Variants in SLC5A4 observed in about 807,000 individuals in gnomAD.
The protein encoded by SLC5A4 is solute carrier family 5 member 4, also known as probable glucose sensor protein SLC5A4.
Under a neutral mutation model 70.3 loss-of-function variants are expected in SLC5A4, and 55 were observed. The ratio of observed to expected loss-of-function variants is 0.78; its 90% CI spans 0.63 to 0.98. The LOEUF (loss-of-function observed/expected upper bound fraction) is 0.98, where lower values mean the gene tolerates loss of function less well. SLC5A4 is among the 50% of genes least tolerant of loss of function. SLC5A4 has a pLI of 0.00. For synonymous variants in SLC5A4, 268 were observed against 305.7 expected (o/e 0.88, Z 1.29); for missense variants, 735 against 839.2 (o/e 0.88, Z 1.53).
chr22:32,304,850 GTT>G, the SLC5A4 span, among the ~76,000 whole-genome samples: 1 of 151,124 alleles, frequency 6.6e-6, no homozygotes, highest in South Asian at 2.1e-4. Flanking sequence ...GAGTTCTACA[GTT>G]TTTTTTTCTT....
At chr22:32,225,359 A>C (rs1925329377) in intron 12 of SLC5A4, among the ~76,000 whole-genome samples, 1 of 152,182 alleles carries the variant, frequency 6.6e-6, no homozygotes, top group South Asian at 2.1e-4. Flanking sequence ...TCACAATACG[A>C]TTAGGTGGTA....
At chr22:32,289,471 C>T in the SLC5A4 span, among the ~76,000 whole-genome samples, 8 of 152,110 alleles carry the variant, frequency 5.3e-5, no homozygotes, top group African/African-American at 1.9e-4. Context: ...AAGGGGCTGC[C>T]GCCATCACGC....
At chr22:32,272,981 G>A in the SLC5A4 span, 16 of 540,462 alleles carry the variant, frequency 3.0e-5, no homozygotes, top group East Asian at 1.6e-4. Flanking sequence ...CAAGCTGCAC[G>A]GGGAGCTGCT....
At chr22:32,332,452 A>G in the SLC5A4 span, among the ~76,000 whole-genome samples, 1 of 152,180 alleles carries the variant, frequency 6.6e-6, no homozygotes, top group African/African-American at 2.4e-5. Flanking sequence ...CGACAGGCTC[A>G]TTCCTTTCCA....
the SLC5A4 span, among the ~76,000 whole-genome samples, chr22:32,323,579 G>A: frequency 1.3e-5 from 2 of 152,202 alleles, no homozygotes; most frequent in African/African-American, 2.4e-5. Context: ...CTGCAGGCAC[G>A]GACGGTGCCA....
chr22:32,325,087 T>C, the SLC5A4 span, among the ~76,000 whole-genome samples: 33 of 152,288 alleles, frequency 2.2e-4, no homozygotes, highest in African/African-American at 6.5e-4. Context: ...TTGCCCCTCA[T>C]TGCCAGTCCC....
the SLC5A4 span, among the ~76,000 whole-genome samples, chr22:32,323,974 C>T: frequency 6.6e-6 from 1 of 151,962 alleles, no homozygotes; most frequent in Non-Finnish European, 1.5e-5. Context: ...CCGATGGCTG[C>T]CCCTGTGTGG....
At chr22:32,255,138 A>G in intron 1 of SLC5A4, 57 bp downstream of exon 1, 9 of 1,012,244 alleles carry the variant, frequency 8.9e-6, no homozygotes, top group Admixed American at 1.8e-5. Flanking sequence ...TTCCCCCCTT[A>G]AGATACCCCC....
At chr22:32,320,564 C>A in the SLC5A4 span, among the ~76,000 whole-genome samples, 1 of 152,202 alleles carries the variant, frequency 6.6e-6, no homozygotes, top group Admixed American at 6.5e-5. Flanking sequence ...CTCCCATGCT[C>A]TGCTTTCCTT....
chr22:32,227,379 C>G (rs1163807547), intron 11 of SLC5A4, among the ~76,000 whole-genome samples: 1 of 152,196 alleles, frequency 6.6e-6, no homozygotes, highest in African/African-American at 2.4e-5. Flanking sequence ...CCCTCTCCTA[C>G]AGCATTTGTC....
rs1210591278 is a variant in SLC5A4 at position 32,224,482 on chromosome 22, C to T, written c.1450G>A (p.Gly484Arg). Residue 484 changes from glycine (G) to arginine (R), a missense_variant and splice_region_variant, in exon 13 of 15, where the codon GGA becomes AGA. Gly to Arg is a moderately radical substitution (Grantham distance 125). Transcript: ENST00000266086. ...AIFCKRVNEQGAFWGLMVGLA... is the reference protein window; with the variant it reads ...AIFCKRVNEQRAFWGLMVGLA... ...CCAACCATTAGACCCCAGAATGCTC[C>T]CTGCAAAAGAAGCAAGAAGAAAATC... 6.2e-7 allele frequency: 1 copy of T among 1,608,720 alleles called. No individual in the cohort carries two copies. Among genetic ancestry groups the T allele is most frequent in the Admixed American group, 1.7e-5 (1 of 59,864 alleles).
intron 7 of SLC5A4, among the ~76,000 whole-genome samples, chr22:32,235,603 A>G (rs1309717552): frequency 2.6e-5 from 4 of 152,112 alleles, no homozygotes; most frequent in African/African-American, 9.7e-5. Flanking sequence ...GTTACAATAA[A>G]AAATTGGAAA....
the SLC5A4 span, among the ~76,000 whole-genome samples, chr22:32,353,127 G>T: frequency 0.015 from 2,267 of 152,318 alleles, 57 homozygotes; most frequent in African/African-American, 0.052. Flanking sequence ...CCAAAGTCCA[G>T]CCTCTCCTTT....
intron 10 of SLC5A4, 136 bp from the exon 11 acceptor site, chr22:32,229,480 G>A: frequency 1.2e-6 from 1 of 861,956 alleles, no homozygotes; most frequent in East Asian, 2.8e-5. Flanking sequence ...TCAGCATGTG[G>A]AGTTTCCTGC....
At chr22:32,310,932 T>TC in the SLC5A4 span, among the ~76,000 whole-genome samples, 1 of 152,218 alleles carries the variant, frequency 6.6e-6, no homozygotes, top group Admixed American at 6.5e-5. Context: ...TCTCCTGCCT[T>TC]CCCTCTGGGT....
chr22:32,321,988 T>G, the SLC5A4 span, among the ~76,000 whole-genome samples: 1 of 152,114 alleles, frequency 6.6e-6, no homozygotes, highest in South Asian at 2.1e-4. Flanking sequence ...TGTGCATAAT[T>G]TGGGCATCAC....
the SLC5A4 span, among the ~76,000 whole-genome samples, chr22:32,307,096 A>G: frequency 6.6e-6 from 1 of 152,146 alleles, no homozygotes; most frequent in Admixed American, 6.5e-5. Flanking sequence ...TTCTCAGTGC[A>G]GTCTATGTAA....
chr22:32,294,628 C>T, the SLC5A4 span, among the ~76,000 whole-genome samples: 8 of 150,462 alleles, frequency 5.3e-5, no homozygotes, highest in East Asian at 2.0e-4. Context: ...ATAATTGCAT[C>T]ATTTTAAGAG....
the SLC5A4 span, among the ~76,000 whole-genome samples, chr22:32,306,804 G>C: frequency 6.6e-6 from 1 of 152,166 alleles, no homozygotes; most frequent in Admixed American, 6.5e-5. Flanking sequence ...GACACTGACC[G>C]CTTGGTTATT....
Sources: gnomAD v4.1 joint callset for allele counts (sites outside exome capture counted in the v4.1 genomes callset) on GRCh38, gnomAD v4.1.1 for gene constraint, MANE v1.5 for transcripts, NCBI Gene and HGNC (gene_info 2026-07-23, HGNC 2026-07-21) for gene names.